GLT6D1: variants seen among roughly 807,000 people sequenced by gnomAD.
GLT6D1 encodes the protein putative glycosyltransferase 6 domain-containing protein 1.
In GLT6D1, 9 loss-of-function variants were observed where a neutral mutation model predicts 12.3. The observed-to-expected ratio is 0.73, with a 90% CI of 0.44 to 1.27. The LOEUF is 1.27. GLT6D1 is among the 50% of genes most tolerant of loss of function. The pLI is 0.00. For synonymous variants in GLT6D1, 128 were observed against 132.3 expected, an observed-to-expected ratio of 0.97 and a Z score of 0.23; for missense variants, 335 against 346.2, an observed-to-expected ratio of 0.97 and a Z score of 0.26.
intron 3 of GLT6D1, 51 bp downstream of exon 3, chr9:135,631,380 A>G (rs1192514369): frequency 2.9e-6 from 4 of 1,362,836 alleles, no homozygotes; most frequent in Non-Finnish European, 4.2e-6. Context: ...GTTACTTCCA[A>G]TTGAAGTATA....
At chr9:135,636,255 G>A (rs1833770049) in intron 2 of GLT6D1, among the ~76,000 whole-genome samples, 1 of 152,212 alleles carries the variant, frequency 6.6e-6, no homozygotes, top group Admixed American at 6.5e-5. Context: ...TAGGGAGGCT[G>A]AGGCAGGAGA....
intron 3 of GLT6D1, among the ~76,000 whole-genome samples, chr9:135,628,883 T>C (rs1379130653): frequency 6.6e-6 from 1 of 152,094 alleles, no homozygotes; most frequent in Non-Finnish European, 1.5e-5. Context: ...TCCTTATTAT[T>C]TCTGGAAGTT....
chr9:135,639,036 A>C, intron 2 of GLT6D1, 81 bp downstream of exon 2: 1 of 789,044 alleles, frequency 1.3e-6, no homozygotes, highest in Non-Finnish European at 2.0e-6. Flanking sequence ...TGTCTCAAAA[A>C]TTAAATTAAT....
chr9:135,624,724 C>CT (rs72471205), intron 4 of GLT6D1, 54 bp from the exon 5 acceptor site: 12,474 of 560,276 alleles, frequency 0.022, 167 homozygotes, highest in African/African-American at 0.055. Context: ...TCTTTTCTTT[C>CT]TTTTTTTTTT....
chr9:135,628,282 AT>A (rs568722549), intron 3 of GLT6D1, among the ~76,000 whole-genome samples: 2 of 151,990 alleles, frequency 1.3e-5, no homozygotes, highest in African/African-American at 4.8e-5. Flanking sequence ...GGGTATTTAT[AT>A]TTTTTTAAGT....
chr9:135,626,070 T>C lies in GLT6D1; in HGVS notation c.256A>G (p.Arg86Gly). 2.5e-6 allele frequency: 4 copies of C among 1,614,054 alleles called. No homozygotes were observed. Among genetic ancestry groups the C allele is most frequent in the Non-Finnish European group, 3.4e-6 (4 of 1,179,954 alleles). The part of the protein sequence containing the change: ...TVGLAVFATG[R>G]FAEEYLRPFL... ...AGGGCAAAGGTGAGTGGCACCTACCTGCCAGTAGCAAAGACGGCCAGGCCC... is the reference window on the plus strand; with the variant it reads ...AGGGCAAAGGTGAGTGGCACCTACCCGCCAGTAGCAAAGACGGCCAGGCCC... The change falls in exon 4 of 5, where the codon AGG (arginine) becomes GGG (glycine). Residue 86 changes from arginine to glycine, a missense_variant and splice_region_variant. Physicochemically the swap from Arg to Gly is moderately radical, Grantham distance 125. Coordinates refer to ENST00000371763, the MANE Select transcript of GLT6D1 (RefSeq NM_182974.3).
At chr9:135,637,285 T>A (rs1459476948) in intron 2 of GLT6D1, among the ~76,000 whole-genome samples, 2 of 149,794 alleles carry the variant, frequency 1.3e-5, no homozygotes, top group African/African-American at 4.9e-5. Flanking sequence ...TTGTTTATCA[T>A]CCACCTGCTG....
intron 3 of GLT6D1, 134 bp from the exon 4 acceptor site, chr9:135,626,340 G>A: frequency 1.2e-6 from 1 of 866,828 alleles, no homozygotes; most frequent in Non-Finnish European, 1.8e-6. Flanking sequence ...TCATCCCACT[G>A]GATTCATCCT....
upstream of GLT6D1, among the ~76,000 whole-genome samples, chr9:135,639,747 G>A (rs796607386): frequency 2.0e-5 from 3 of 152,288 alleles, no homozygotes; most frequent in African/African-American, 7.2e-5. Flanking sequence ...TTGTGTTGGA[G>A]GCTTCACGTG....
chr9:135,630,115 T>C (rs1275828127), intron 3 of GLT6D1, among the ~76,000 whole-genome samples: 1 of 152,152 alleles, frequency 6.6e-6, no homozygotes, highest in Non-Finnish European at 1.5e-5. Flanking sequence ...CTATATGTCA[T>C]GTAATTTTGG....
intron 2 of GLT6D1, among the ~76,000 whole-genome samples, chr9:135,636,401 A>G (rs904766471): frequency 6.6e-6 from 1 of 152,224 alleles, no homozygotes; most frequent in Non-Finnish European, 1.5e-5. Context: ...AAGTTATTTT[A>G]GGTCAGCAGC....
chr9:135,626,326 T>C, intron 3 of GLT6D1, 120 bp from the exon 4 acceptor site: 1 of 1,059,740 alleles, frequency 9.4e-7, no homozygotes, highest in East Asian at 2.4e-5. Flanking sequence ...CGTGTTTGAG[T>C]GCATCATCCC....
intron 3 of GLT6D1, 35 bp downstream of exon 3, chr9:135,631,396 T>C: frequency 6.6e-7 from 1 of 1,518,958 alleles, no homozygotes. Flanking sequence ...GTATATTGTT[T>C]GTGTGTGCAT....
intron 2 of GLT6D1, among the ~76,000 whole-genome samples, chr9:135,638,236 G>A (rs2119155885): frequency 6.6e-6 from 1 of 152,284 alleles, no homozygotes; most frequent in South Asian, 2.1e-4. Flanking sequence ...AATAGCATGG[G>A]AAAGACCAGC....
chr9:135,634,465 GGCA>G (rs1833724256), intron 2 of GLT6D1, among the ~76,000 whole-genome samples: 5 of 103,246 alleles, frequency 4.8e-5, no homozygotes, highest in Admixed American at 2.3e-4. Flanking sequence ...TTTTTTTTTT[GGCA>G]TGATTTATTT....
At chr9:135,635,456 G>T (rs1336373624) in intron 2 of GLT6D1, among the ~76,000 whole-genome samples, 1 of 152,124 alleles carries the variant, frequency 6.6e-6, no homozygotes, top group East Asian at 1.9e-4. Flanking sequence ...CAGAAACCAA[G>T]ATCTGTTGCT....
rs754957583 is a variant in GLT6D1, at chr9:135,624,681, C to T, written c.258-11G>A. 3 of 1,409,260 alleles carry T rather than the reference C, an allele frequency of 2.1e-6. No individual in the cohort carries two copies. Among genetic ancestry groups the T allele is most frequent in the Non-Finnish European group, 2.9e-6 (3 of 1,045,608 alleles). The allele number at this position is 1,409,260 out of a possible 1,614,324, so 87.3% of individuals were successfully genotyped here. On this transcript the variant is annotated splice_polypyrimidine_tract_variant and intron_variant, in intron 4 of 4. Coordinates refer to ENST00000371763, the MANE Select transcript of GLT6D1 (RefSeq NM_182974.3). ...TACTCCTCTGCAAACCTAGGAAACA[C>T]ACAGTGGGGAAGAAACTTACTTTTC...
Position 135,624,454 on chromosome 9 carries a change from G to A in GLT6D1, c.474C>T (p.Ile158=), listed in dbSNP as rs767147245. ...LVHVKSLGEH[I]ASHIQDEVDF... is the part of the protein sequence containing the mutation. ...CCACCTCGTCCTGGATGTGACTGGC[G>A]ATGTGTTCACCCAGGCTCTTCACAT... Residue 158 remains isoleucine (I), a synonymous_variant, in exon 5 of 5, where the codon ATC becomes ATT. Transcript: ENST00000371763. 33 of 1,613,994 alleles carry A rather than the reference G, an allele frequency of 2.0e-5. No individual in the cohort carries two copies. Among genetic ancestry groups the A allele is most frequent in the East Asian group, 1.3e-4 (6 of 44,886 alleles).
At chr9:135,637,809 A>G in intron 2 of GLT6D1, among the ~76,000 whole-genome samples, 1 of 152,104 alleles carries the variant, frequency 6.6e-6, no homozygotes, top group East Asian at 1.9e-4. Context: ...CTCTTTGCAT[A>G]TTTTGGGTAC....
Sources: gnomAD v4.1 joint callset for allele counts (sites outside exome capture counted in the v4.1 genomes callset) on GRCh38, gnomAD v4.1.1 for gene constraint, MANE v1.5 for transcripts, NCBI Gene and HGNC (gene_info 2026-07-23, HGNC 2026-07-21) for gene names.